DRD3: variants seen among roughly 807,000 people sequenced by gnomAD.
DRD3 encodes dopamine receptor D3.
A neutral mutation model predicts 36.3 loss-of-function variants in DRD3; 19 were observed. The ratio of observed to expected loss-of-function variants is 0.52; its 90% CI spans 0.36 to 0.77. The LOEUF (loss-of-function observed/expected upper bound fraction) is 0.77. Ranked by LOEUF, DRD3 falls within the 30% of genes least tolerant of loss-of-function variation. The pLI, the probability that DRD3 is intolerant of heterozygous loss-of-function variation, is 0.00. For synonymous variants in DRD3, 195 were observed against 203.7 expected (o/e 0.96, Z 0.36); for missense variants, 465 against 505.3 (o/e 0.92, Z 0.77).
At chr3:114,192,021 G>A (rs2078013039) in intron 1 of DRD3, among the ~76,000 whole-genome samples, 2 of 152,218 alleles carry the variant, frequency 1.3e-5, no homozygotes, top group African/African-American at 4.8e-5. Flanking sequence ...GCAGAGAGAG[G>A]AGGGGGAAGC....
At chr3:114,189,322 G>A (rs932974795) in intron 1 of DRD3, among the ~76,000 whole-genome samples, 1 of 152,230 alleles carries the variant, frequency 6.6e-6, no homozygotes, top group African/African-American at 2.4e-5. Context: ...GCAAGTAGCT[G>A]AAAGATCATC....
At chr3:114,158,491 G>T (rs1245303551) in intron 3 of DRD3, among the ~76,000 whole-genome samples, 1 of 152,132 alleles carries the variant, frequency 6.6e-6, no homozygotes, top group African/African-American at 2.4e-5. Context: ...CAGACATAGA[G>T]GACTGCAGCT....
At chr3:114,156,743 T>TTCTTTCTTTTTC (rs1286313199) in intron 3 of DRD3, among the ~76,000 whole-genome samples, 3 of 20,766 alleles carry the variant, frequency 1.4e-4, no homozygotes, top group African/African-American at 2.8e-4. Context: ...CTTTCTTTCT[T>TTCTTTCTTTTTC]TTTCTTTCTT....
chr3:114,171,652 A>G, intron 2 of DRD3, 71 bp downstream of exon 2: 1 of 1,443,336 alleles, frequency 6.9e-7, no homozygotes. Flanking sequence ...TTTGAGCCCC[A>G]AAGGCCAGAA....
chr3:114,132,513 T>C (rs1364171326), intron 5 of DRD3, among the ~76,000 whole-genome samples: 1 of 151,120 alleles, frequency 6.6e-6, no homozygotes, highest in Non-Finnish European at 1.5e-5. Flanking sequence ...CAATGGCACA[T>C]GTATACCTAT....
At position 114,131,181 on chromosome 3, in the gene DRD3, G is replaced by A. The variant is rs1267022250; in HGVS notation, c.943C>T (p.Leu315=). 3 of 1,614,206 alleles carry A rather than the reference G, an allele frequency of 1.9e-6. No individual in the cohort carries two copies. Among genetic ancestry groups the A allele is most frequent in the Non-Finnish European group, 1.7e-6 (2 of 1,180,042 alleles). The change falls in exon 6 of 7, where the codon CTG becomes TTG. Residue 315 remains leucine, a synonymous_variant. Coordinates refer to ENST00000383673, the MANE Select transcript of DRD3 (RefSeq NM_000796.6). ...RLSTSLKLGP[L]QPRGVPLREK... ...CGAAGTGGCACTCCCCGAGGTTGCAGGGGCCCCAGCTTCAAAGATGTCGAT... is the reference window on the plus strand; with the variant it reads ...CGAAGTGGCACTCCCCGAGGTTGCAAGGGCCCCAGCTTCAAAGATGTCGAT...
At chr3:114,194,673 T>G (rs2078027820) in intron 1 of DRD3, among the ~76,000 whole-genome samples, 1 of 152,210 alleles carries the variant, frequency 6.6e-6, no homozygotes, top group Non-Finnish European at 1.5e-5. Flanking sequence ...ATGTGGTACA[T>G]TCTGTCATTA....
At chr3:114,145,164 A>T (rs752472096) in intron 4 of DRD3, among the ~76,000 whole-genome samples, 10 of 152,120 alleles carry the variant, frequency 6.6e-5, no homozygotes, top group Non-Finnish European at 1.2e-4. Context: ...GCTAGAGGGT[A>T]AGAAGTGCCT....
At chr3:114,190,867 T>C (rs2078007445) in intron 1 of DRD3, among the ~76,000 whole-genome samples, 1 of 151,998 alleles carries the variant, frequency 6.6e-6, no homozygotes, top group South Asian at 2.1e-4. Context: ...TTTTGAACAG[T>C]CAGAGCTGTG....
At chr3:114,186,077 T>C (rs1280270437) in intron 1 of DRD3, among the ~76,000 whole-genome samples, 1 of 152,238 alleles carries the variant, frequency 6.6e-6, no homozygotes, top group African/African-American at 2.4e-5. Context: ...ATTTAAGGTT[T>C]CTTTTCTAAA....
chr3:114,129,067 G>T (rs573894967), intron 6 of DRD3, among the ~76,000 whole-genome samples, 155 bp from the exon 7 acceptor site: 2 of 152,190 alleles, frequency 1.3e-5, no homozygotes, highest in Non-Finnish European at 2.9e-5. Context: ...CCTAGGCCGG[G>T]TGTGGTGGCT....
rs765415833 is a variant in DRD3 at position 114,128,729 on chromosome 3, A to T, written c.1190T>A (p.Ile397Asn). The change falls in exon 7 of 7, where the codon ATC (isoleucine) becomes AAC (asparagine). Residue 397 changes from isoleucine (I) to asparagine (N), a missense_variant. Ile to Asn is a moderately radical substitution (Grantham distance 149). Transcript: ENST00000383673. ...TCTTCTGCTCCCTCAGCAAGACAGG[A>T]TCTTGAGGAAGGCTTTCCGGAACTC... ...NIEFRKAFLK[I>N]LSC The T allele has an allele frequency of 6.2e-7, 1 of 1,601,838 alleles. No homozygotes were observed. Among genetic ancestry groups the T allele is most frequent in the Non-Finnish European group, 8.5e-7 (1 of 1,173,304 alleles).
At chr3:114,193,807 A>G (rs1317797960) in intron 1 of DRD3, among the ~76,000 whole-genome samples, 1 of 152,224 alleles carries the variant, frequency 6.6e-6, no homozygotes, top group Non-Finnish European at 1.5e-5. Flanking sequence ...AAACATCTTA[A>G]TTTTTATTTA....
At chr3:114,129,569 G>A (rs9878569) in intron 6 of DRD3, among the ~76,000 whole-genome samples, 7,131 of 152,096 alleles carry the variant, frequency 0.047, 254 homozygotes, top group African/African-American at 0.1. Flanking sequence ...CATGATCCTA[G>A]GCACTGATAG....
intron 2 of DRD3, among the ~76,000 whole-genome samples, chr3:114,168,321 T>C (rs1375383374): frequency 6.6e-6 from 1 of 152,240 alleles, no homozygotes; most frequent in Non-Finnish European, 1.5e-5. Flanking sequence ...AGCATGACAC[T>C]GTGTTGAAAT....
At chr3:114,152,742 G>A (rs530953821) in intron 3 of DRD3, among the ~76,000 whole-genome samples, 397 of 152,352 alleles carry the variant, frequency 2.6e-3, no homozygotes, top group Non-Finnish European at 4.5e-3. Flanking sequence ...ACCCTGCAGG[G>A]ACCCTGCATT....
intron 2 of DRD3, among the ~76,000 whole-genome samples, chr3:114,168,278 CTTCTGACTCCAAG>C (rs2077805245): frequency 6.6e-6 from 1 of 152,174 alleles, no homozygotes; most frequent in Non-Finnish European, 1.5e-5. Context: ...AAATCCATGT[CTTCTGACTCCAAG>C]TTCTGAGTCT....
chr3:114,151,278 GC>G (rs1331954588), intron 3 of DRD3, among the ~76,000 whole-genome samples: 1 of 152,184 alleles, frequency 6.6e-6, no homozygotes, highest in African/African-American at 2.4e-5. Context: ...TCCTGCTGCT[GC>G]CATGACTGAA....
chr3:114,164,098 G>A (rs1043233908), intron 2 of DRD3, among the ~76,000 whole-genome samples: 2 of 150,284 alleles, frequency 1.3e-5, no homozygotes, highest in African/African-American at 4.9e-5. Flanking sequence ...GTGGGCGCCT[G>A]TTATCCTACC....
Sources: gnomAD v4.1 joint callset for allele counts (sites outside exome capture counted in the v4.1 genomes callset) on GRCh38, gnomAD v4.1.1 for gene constraint, MANE v1.5 for transcripts, NCBI Gene and HGNC (gene_info 2026-07-23, HGNC 2026-07-21) for gene names.